AFF2: variants seen among roughly 807,000 people sequenced by gnomAD.
AFF2 encodes AF4/FMR2 family member 2.
AFF2 carries 14 observed loss-of-function variants against 76.9 expected under a neutral mutation model. The observed-to-expected ratio is 0.18, with a 90% CI of 0.12 to 0.28. AFF2 has a LOEUF of 0.28. Among genes scored for constraint, AFF2 ranks in the 10% least tolerant of loss-of-function variants. AFF2 has a pLI of 1.00. For missense variants in AFF2, 868 were observed against 1,001.1 expected, an observed-to-expected ratio of 0.87 and a Z score of 1.79; for synonymous variants, 398 against 366.7, an observed-to-expected ratio of 1.09 and a Z score of -0.98.
chrX:148,592,850 A>G (rs2053536734), intron 1 of AFF2, among the ~76,000 whole-genome samples: 1 of 112,295 alleles, frequency 8.9e-6, no homozygotes, highest in Admixed American at 9.4e-5. Context: ...CCCAGGCAGG[A>G]TGAGGTTGAA....
intron 3 of AFF2, among the ~76,000 whole-genome samples, chrX:148,766,073 A>G (rs1211418237): frequency 1.8e-5 from 2 of 110,239 alleles, no homozygotes; most frequent in Non-Finnish European, 3.8e-5. Context: ...CATGGTATAT[A>G]TGTGCCACAT....
At chrX:148,794,079 C>T (rs1240856339) in intron 3 of AFF2, among the ~76,000 whole-genome samples, 3 of 112,211 alleles carry the variant, frequency 2.7e-5, no homozygotes, top group East Asian at 5.6e-4. Context: ...CTCTGCTGCA[C>T]CTGTAGTAAC....
intron 16 of AFF2, among the ~76,000 whole-genome samples, chrX:148,976,266 C>A (rs2072324606): frequency 9.0e-6 from 1 of 111,718 alleles, no homozygotes; most frequent in Non-Finnish European, 1.9e-5. Context: ...CCAGTCTCCC[C>A]CAATGGGAAC....
At chrX:148,839,637 A>G (rs1266782165) in intron 5 of AFF2, among the ~76,000 whole-genome samples, 2 of 111,520 alleles carry the variant, frequency 1.8e-5, no homozygotes, top group Non-Finnish European at 3.8e-5. Context: ...TTCAAATTCT[A>G]TCTTCCAAAA....
At chrX:148,952,844 G>A (rs2071985452) in intron 9 of AFF2, among the ~76,000 whole-genome samples, 1 of 111,705 alleles carries the variant, frequency 9.0e-6, no homozygotes, top group South Asian at 3.7e-4. Flanking sequence ...AAAGTATGGT[G>A]GAGGAGGCCT....
At chrX:148,644,793 A>G (rs1246430789) in intron 1 of AFF2, among the ~76,000 whole-genome samples, 1 of 111,715 alleles carries the variant, frequency 9.0e-6, no homozygotes, top group Non-Finnish European at 1.9e-5. Flanking sequence ...AAATTTATCT[A>G]TTAATATAAA....
intron 1 of AFF2, among the ~76,000 whole-genome samples, chrX:148,588,685 C>T (rs1557246196): frequency 8.9e-6 from 1 of 112,042 alleles, no homozygotes; most frequent in East Asian, 2.8e-4. Context: ...GCAATTTCTA[C>T]TAGCTTACCA....
chrX:148,911,117 T>G (rs1230076798), intron 9 of AFF2, among the ~76,000 whole-genome samples: 1 of 109,864 alleles, frequency 9.1e-6, no homozygotes, highest in Non-Finnish European at 1.9e-5. Context: ...GTGTGTGTGT[T>G]TATGTGTGTA....
At chrX:148,682,031 A>G (rs1197530292) in intron 3 of AFF2, among the ~76,000 whole-genome samples, 1 of 112,234 alleles carries the variant, frequency 8.9e-6, no homozygotes, top group African/African-American at 3.2e-5. Flanking sequence ...CTTATAATGT[A>G]GCTTTACAAA....
intron 8 of AFF2, among the ~76,000 whole-genome samples, chrX:148,887,948 T>C (rs978904953): frequency 1.8e-5 from 2 of 112,801 alleles, no homozygotes; most frequent in Non-Finnish European, 3.8e-5. Context: ...GCAGTAATAC[T>C]AGCAATGTTT....
chrX:148,669,309 C>T (rs1557258844), intron 3 of AFF2, among the ~76,000 whole-genome samples: 1 of 111,940 alleles, frequency 8.9e-6, no homozygotes, highest in Non-Finnish European at 1.9e-5. Context: ...TCCAAACTGT[C>T]CCAATCTCTG....
At chrX:148,845,681 T>A (rs782759830) in intron 7 of AFF2, among the ~76,000 whole-genome samples, 21 of 112,387 alleles carry the variant, frequency 1.9e-4, no homozygotes, top group Non-Finnish European at 2.8e-4. Flanking sequence ...TACAGTGTGC[T>A]TTTTAAACCA....
chrX:148,534,598 T>C (rs1238901598), intron 1 of AFF2, among the ~76,000 whole-genome samples: 10 of 112,062 alleles, frequency 8.9e-5, no homozygotes, highest in Non-Finnish European at 1.9e-4. Context: ...AAAATAACAC[T>C]ATCCACCTCA....
chrX:148,719,969 A>G (rs1308297737), intron 3 of AFF2, among the ~76,000 whole-genome samples: 1 of 110,650 alleles, frequency 9.0e-6, no homozygotes, highest in Non-Finnish European at 1.9e-5. Flanking sequence ...GCCCATTTAC[A>G]TCAGTTAGAC....
intron 1 of AFF2, among the ~76,000 whole-genome samples, chrX:148,549,492 G>A (rs190742787): frequency 9.0e-6 from 1 of 111,730 alleles, no homozygotes; most frequent in Non-Finnish European, 1.9e-5. Context: ...TCTTCTGGCT[G>A]AGTAATCATA....
chrX:148,857,169 TA>T (rs1235221728), intron 7 of AFF2, among the ~76,000 whole-genome samples: 1 of 112,243 alleles, frequency 8.9e-6, no homozygotes, highest in African/African-American at 3.2e-5. Flanking sequence ...TGCATAGTTG[TA>T]ACAGTGGCTT....
chrX:148,923,439 G>A (rs1460017443), intron 9 of AFF2, among the ~76,000 whole-genome samples: 1 of 111,436 alleles, frequency 9.0e-6, no homozygotes, highest in Non-Finnish European at 1.9e-5. Flanking sequence ...TCAAAAGGCC[G>A]CTTCCTTAAT....
intron 8 of AFF2, among the ~76,000 whole-genome samples, chrX:148,897,797 G>T (rs1266376698): frequency 1.8e-5 from 2 of 110,669 alleles, no homozygotes; most frequent in Admixed American, 1.9e-4. Context: ...TTAGGGGGAA[G>T]AAAATTGAAT....
At chrX:148,827,645 T>TA (rs1198610202) in intron 4 of AFF2, among the ~76,000 whole-genome samples, 2 of 111,754 alleles carry the variant, frequency 1.8e-5, no homozygotes, top group South Asian at 3.7e-4. Context: ...CATTATTCTC[T>TA]AAAAAAAATC....
Sources: allele counts gnomAD v4.1 joint callset (sites outside exome capture counted in the v4.1 genomes callset), GRCh38; gene constraint gnomAD v4.1.1; transcripts MANE v1.5; gene names NCBI Gene and HGNC (gene_info 2026-07-23, HGNC 2026-07-21).